NDUFV1: variants seen among roughly 807,000 people sequenced by gnomAD.
The protein encoded by NDUFV1 is NADH:ubiquinone oxidoreductase core subunit V1.
NDUFV1 carries 41 observed loss-of-function variants against 48.7 expected under a neutral mutation model. The ratio of observed to expected loss-of-function variants is 0.84; its 90% confidence interval spans 0.66 to 1.09. NDUFV1 has a LOEUF of 1.09. NDUFV1 is among the 50% of genes least tolerant of loss of function. The pLI is 0.00. For missense variants in NDUFV1, 580 were observed against 645.4 expected (o/e 0.90, Z 1.10); for synonymous variants, 231 against 259.1 (o/e 0.89, Z 1.04).
intron 1 of NDUFV1, chr11:67,607,394 C>G: frequency 3.6e-6 from 2 of 561,014 alleles, no homozygotes; most frequent in Non-Finnish European, 6.8e-6. Flanking sequence ...GGTCATTGCC[C>G]CATTTAGGGA....
intron 5 of NDUFV1, 199 bp from the exon 6 acceptor site, chr11:67,610,796 G>A: frequency 1.3e-6 from 1 of 779,080 alleles, no homozygotes; most frequent in Non-Finnish European, 2.1e-6. Flanking sequence ...CCTTCACAGT[G>A]CCTGTTCTGA....
Position 67,611,431 on chromosome 11 carries a change from C to T in NDUFV1, c.942C>T (p.Leu314=). Residue 314 remains leucine (L), a synonymous_variant, in exon 7 of 10, where the codon CTC becomes CTT. Coordinates refer to ENST00000322776, the MANE Select transcript of NDUFV1 (RefSeq NM_007103.4). This position sits in a 1 kb window ranked among gnomAD's most constrained non-coding sequence, Gnocchi z 4.2. ...AGGVTGGWDN[L]LAVIPGGSST... is the part of the protein sequence containing the mutation. ...GTGTCACGGGCGGCTGGGACAACCT[C>T]CTTGCTGTGATCCCTGGCGGCTCGT... is the stretch of plus-strand genomic sequence containing the variant. The T allele has an allele frequency of 6.2e-7, 1 of 1,614,108 alleles. No homozygotes were observed. Among genetic ancestry groups the T allele is most frequent in the East Asian group, 2.2e-5 (1 of 44,888 alleles).
intron 1 of NDUFV1, chr11:67,607,356 C>T: frequency 1.6e-6 from 1 of 635,432 alleles, no homozygotes; most frequent in Non-Finnish European, 2.9e-6. Context: ...TCATTCTCTC[C>T]TTGTCACAGC....
At chr11:67,607,195 G>A in intron 1 of NDUFV1, 119 bp downstream of exon 1, 1 of 1,156,572 alleles carries the variant, frequency 8.6e-7, no homozygotes, top group Non-Finnish European at 1.2e-6. Context: ...CCCCAGGCCA[G>A]GCGGGAAGGC....
In NDUFV1 at chr11:67,611,862, C is replaced by A. The variant is rs758095599; in HGVS notation, c.1081-35C>A. On this transcript the variant is annotated intron_variant, in intron 7 of 9. Coordinates refer to ENST00000322776, the MANE Select transcript of NDUFV1 (RefSeq NM_007103.4). This position sits in a 1 kb window ranked among gnomAD's most constrained non-coding sequence, Gnocchi z 4.2. Reference sequence around the variant, plus strand: ...GGCTGAGGCCCAGGCTTCTGTCTGGCCGTGGGTGCCTGCTAATTGCCCCTC... The same window carrying A: ...GGCTGAGGCCCAGGCTTCTGTCTGGACGTGGGTGCCTGCTAATTGCCCCTC... The A allele has an allele frequency of 6.2e-7, 1 of 1,609,706 alleles. No individual in the cohort carries two copies. The highest frequency in any genetic ancestry group is 1.3e-5 in the African/African-American group (1 of 74,816).
In NDUFV1 at chr11:67,611,712, G is replaced by A; in HGVS notation, c.1080+143G>A. On this transcript the variant is annotated intron_variant, in intron 7 of 9. Transcript: ENST00000322776. The surrounding 1 kb of genome is among the most constrained non-coding windows in gnomAD (Gnocchi z 4.2). ...AGCAAGGTGGAAGAGGAGGGAGGAA[G>A]GCTGCTCTGAGGAGAATACCCCGGA... The A allele has an allele frequency of 7.1e-7, 1 of 1,415,706 alleles. No homozygotes were observed. Among genetic ancestry groups the A allele is most frequent in the South Asian group, 1.2e-5 (1 of 81,378 alleles). 87.7% of individuals were successfully genotyped at this position (1,415,706 alleles called of 1,614,324 possible). A position where few individuals can be genotyped will look rare whatever the true frequency, so the allele number is the denominator to read the frequency against.
chr11:67,608,374 T>C, intron 1 of NDUFV1, 22 bp from the exon 2 acceptor site: 1 of 1,608,348 alleles, frequency 6.2e-7, no homozygotes, highest in East Asian at 2.2e-5. Context: ...ACTCTGGGCC[T>C]CCTGACCCTT....
At position 67,612,422 on chromosome 11, in the gene NDUFV1, T is replaced by A. The variant is rs750358188; in HGVS notation, c.1359T>A (p.Phe453Leu). ...AGCTCGAGGAGCGGATGCAGCGGTTTGCCCAGCAGCATCAGGCCCGGCAGG... is the reference window on the plus strand; with the variant it reads ...AGCTCGAGGAGCGGATGCAGCGGTTAGCCCAGCAGCATCAGGCCCGGCAGG... ...RPELEERMQR[F>L]AQQHQARQAA... The change falls in exon 10 of 10, where the codon TTT (phenylalanine) becomes TTA (leucine). Residue 453 changes from phenylalanine (F) to leucine (L), a missense_variant. By Grantham distance (22) the Phe-to-Leu change is conservative. Coordinates refer to ENST00000322776, the MANE Select transcript of NDUFV1 (RefSeq NM_007103.4). This position sits in a 1 kb window ranked among gnomAD's most constrained non-coding sequence, Gnocchi z 4.4. The A allele has an allele frequency of 6.2e-7, 1 of 1,612,528 alleles. No homozygotes were observed. The highest frequency in any genetic ancestry group is 8.5e-7 in the Non-Finnish European group (1 of 1,179,960).
intron 4 of NDUFV1, 38 bp downstream of exon 4, chr11:67,609,673 C>T: frequency 1.3e-6 from 2 of 1,592,040 alleles, no homozygotes. Flanking sequence ...AGAAGGTGTT[C>T]AGTGTGCACT....
chr11:67,609,835 A>T, intron 4 of NDUFV1, 200 bp downstream of exon 4: 1 of 547,752 alleles, frequency 1.8e-6, no homozygotes, highest in Non-Finnish European at 3.1e-6. Flanking sequence ...CTGCTGGTGT[A>T]AATTTTTTTT....
chr11:67,610,399 T>C lies in NDUFV1; in HGVS notation c.529T>C (p.Tyr177His), dbSNP rs180950242. The C allele has an allele frequency of 6.2e-7, 1 of 1,614,186 alleles. No homozygotes were observed. The highest frequency in any genetic ancestry group is 2.2e-5 in the East Asian group (1 of 44,886). The part of the protein sequence containing the change: ...SNLQVAIREA[Y>H]EAGLIGKNAC... ...CCTGCAGGTGGCCATCCGAGAGGCCTATGAGGCAGGTCTGATTGGCAAGAA... is the reference window on the plus strand; with the variant it reads ...CCTGCAGGTGGCCATCCGAGAGGCCCATGAGGCAGGTCTGATTGGCAAGAA... The change falls in exon 5 of 10, where the codon TAT (tyrosine) becomes CAT (histidine). Residue 177 changes from tyrosine to histidine, a missense_variant. Physicochemically the swap from Tyr to His is moderately conservative, Grantham distance 83. Coordinates refer to ENST00000322776, the MANE Select transcript of NDUFV1 (RefSeq NM_007103.4).
intron 1 of NDUFV1, 60 bp downstream of exon 1, chr11:67,607,136 G>A: frequency 6.5e-7 from 1 of 1,539,192 alleles, no homozygotes; most frequent in Non-Finnish European, 8.8e-7. Context: ...GGCCGCGCCC[G>A]TGCACGAGCA....
chr11:67,612,473 C>A lies in NDUFV1; in HGVS notation c.*15C>A. 5.6e-6 allele frequency: 9 copies of A among 1,608,380 alleles called. No individual in the cohort carries two copies. The highest frequency in any genetic ancestry group is 7.6e-6 in the Non-Finnish European group (9 of 1,178,308). On this transcript the variant is annotated 3_prime_UTR_variant, in exon 10 of 10. Coordinates refer to ENST00000322776, the MANE Select transcript of NDUFV1 (RefSeq NM_007103.4). The surrounding 1 kb of genome is among the most constrained non-coding windows in gnomAD (Gnocchi z 4.4). ...CTGCCTCTTAGCCCACCACCCTGGC[C>A]TGCTGTCCTGCGTCTATCCATGTGG...
chr11:67,612,078 C>T lies in NDUFV1; in HGVS notation c.1163-42C>T. 6.2e-7 allele frequency: 1 copy of T among 1,613,616 alleles called. No homozygotes were observed. ...CCTCAAGCGCCGCCCCACATCCTGG[C>T]TGGGGAGATCATCAGGCCCTCTCTT... On this transcript the variant is annotated intron_variant, in intron 8 of 9. Coordinates refer to ENST00000322776, the MANE Select transcript of NDUFV1 (RefSeq NM_007103.4). This position sits in a 1 kb window ranked among gnomAD's most constrained non-coding sequence, Gnocchi z 4.4.
chr11:67,607,419 T>G, intron 1 of NDUFV1: 3 of 519,984 alleles, frequency 5.8e-6, no homozygotes, highest in Non-Finnish European at 1.1e-5. Context: ...CACCTCCTGA[T>G]TTCCCGTCCA....
rs775044220 is a variant in NDUFV1, at chr11:67,608,697, T to C, written c.301T>C (p.Phe101Leu). 2 of 1,614,016 alleles carry C rather than the reference T, an allele frequency of 1.2e-6. No homozygotes were observed. The highest frequency in any genetic ancestry group is 2.2e-5 in the South Asian group (2 of 91,074). ...CTTCCCCACTGGCCTCAAGTGGAGCTTCATGAATAAGCCCTCAGATGGCAG... is the reference window on the plus strand; with the variant it reads ...CTTCCCCACTGGCCTCAAGTGGAGCCTCATGAATAAGCCCTCAGATGGCAG... ...AGFPTGLKWS[F>L]MNKPSDGRPK... The change falls in exon 3 of 10, where the codon TTC becomes CTC. Residue 101 changes from phenylalanine to leucine, a missense_variant. Coordinates refer to ENST00000322776, the MANE Select transcript of NDUFV1 (RefSeq NM_007103.4).
rs1410070375 is a variant in NDUFV1 at position 67,609,542 on chromosome 11, G to GGATCCTCACAAGCT, written c.419_420insTCCTCACAAGCTGA (p.Glu140AspfsTer47). 15 of 1,613,166 alleles carry GGATCCTCACAAGCT rather than the reference G, an allele frequency of 9.3e-6. No individual in the cohort carries two copies. The highest frequency in any genetic ancestry group is 1.2e-5 in the Non-Finnish European group (14 of 1,179,884). On this transcript the variant is annotated frameshift_variant, in exon 4 of 10. Coordinates refer to ENST00000322776, the MANE Select transcript of NDUFV1 (RefSeq NM_007103.4). LOFTEE classifies it high-confidence loss of function. ...TACGCCATGATCCTCACAAGCTGCT[G>GGATCCTCACAAGCT]GAAGGCTGCCTGGTGGGGGGCCGGG...
Position 67,611,322 on chromosome 11 carries a change from G to A in NDUFV1, c.914-81G>A. 6.3e-7 allele frequency: 1 copy of A among 1,595,928 alleles called. No individual in the cohort carries two copies. Among genetic ancestry groups the A allele is most frequent in the African/African-American group, 1.3e-5 (1 of 74,652 alleles). ...GGGGCTGGGTCTAGGGGCTGACTAAGGGCCTGGGCTCAGGACTAGGCAGGT... is the reference window on the plus strand; with the variant it reads ...GGGGCTGGGTCTAGGGGCTGACTAAAGGCCTGGGCTCAGGACTAGGCAGGT... On this transcript the variant is annotated intron_variant, in intron 6 of 9. Transcript: ENST00000322776. The surrounding 1 kb of genome is among the most constrained non-coding windows in gnomAD (Gnocchi z 4.2).
In NDUFV1 at chr11:67,610,435, T is replaced by C. The variant is rs900939556; in HGVS notation, c.565T>C (p.Ser189Pro). 5 of 1,614,176 alleles carry C rather than the reference T, an allele frequency of 3.1e-6. No homozygotes were observed. The Admixed American group carries it at 5.0e-5, about 16-fold the overall frequency. The change falls in exon 5 of 10, where the codon TCT (serine) becomes CCT (proline). Residue 189 changes from serine to proline, a missense_variant. Transcript: ENST00000322776. ...AGLIGKNACG[S>P]GYDFDVFVVR... ...TCTGATTGGCAAGAATGCTTGTGGC[T>C]CTGGCTATGATTTTGACGTGTTTGT...
Sources: allele counts gnomAD v4.1 joint callset, GRCh38; gene constraint gnomAD v4.1.1; non-coding constraint Gnocchi (gnomAD v3.1); transcripts MANE v1.5; gene names NCBI Gene and HGNC (gene_info 2026-07-23, HGNC 2026-07-21).